ZDHHC7: variants seen among roughly 807,000 people sequenced by gnomAD.
The protein encoded by ZDHHC7 is palmitoyltransferase ZDHHC7.
ZDHHC7 carries 12 observed loss-of-function variants against 34.1 expected under a neutral mutation model. That is an observed-to-expected ratio of 0.35 (90% CI 0.23 to 0.57). ZDHHC7 has a LOEUF of 0.57. Among genes scored for constraint, ZDHHC7 ranks in the 20% least tolerant of loss-of-function variants. ZDHHC7 has a pLI of 0.84. For missense variants in ZDHHC7, 388 were observed against 402.7 expected, an observed-to-expected ratio of 0.96 and a Z score of 0.31; for synonymous variants, 185 against 155.4, an observed-to-expected ratio of 1.19 and a Z score of -1.42.
At position 84,979,269 on chromosome 16, in the gene ZDHHC7, T is replaced by C. The variant is rs780585582; in HGVS notation, c.457A>G (p.Ile153Val). The C allele has an allele frequency of 3.7e-6, 6 of 1,609,610 alleles. No individual in the cohort carries two copies. The Admixed American group carries it at 6.9e-5, about 18-fold the overall frequency. The stretch of plus-strand genomic sequence containing the variant: ...GGGCAGTGATGATCCATTTTCCGAA[T>C]ACATCTTTTGCAAATACTGAAAAGG... ...AHHCSICKRC[I>V]RKMDHHCPWV... Residue 153 changes from isoleucine (I) to valine (V), a missense_variant, in exon 5 of 8, where the codon ATT (isoleucine) becomes GTT (valine). Coordinates refer to ENST00000313732, the MANE Select transcript of ZDHHC7 (RefSeq NM_017740.3).
At position 84,977,544 on chromosome 16, in the gene ZDHHC7, C is replaced by G. The variant is rs548136751; in HGVS notation, c.620-319G>C. The stretch of plus-strand genomic sequence containing the variant: ...AGTTGTGTGCACCCATACCAGTGAG[C>G]AGTGCTCACAGGAGTCTGTTCACCA... On this transcript the variant is annotated intron_variant, in intron 6 of 7. Coordinates refer to ENST00000313732, the MANE Select transcript of ZDHHC7 (RefSeq NM_017740.3). Among the ~76,000 whole-genome samples the G allele has an allele frequency of 8.5e-5, 13 of 152,342 alleles. 1 individual carries two copies. The highest frequency in any genetic ancestry group is 8.5e-4 in the Admixed American group (13 of 15,308).
Position 84,976,194 on chromosome 16 carries a change from A to G in ZDHHC7, c.*149T>C. ...GCCTCTTCCTCTGCCATCTGTGACT[A>G]TAAATATATAAAACTCTGCTTGCTG... On this transcript the variant is annotated 3_prime_UTR_variant, in exon 8 of 8. Transcript: ENST00000313732. 2.0e-6 allele frequency: 2 copies of G among 985,660 alleles called. No homozygotes were observed. The highest frequency in any genetic ancestry group is 3.3e-5 in the African/African-American group (2 of 60,588). 61.1% of individuals were successfully genotyped at this position (985,660 alleles called of 1,614,324 possible).
At chr16:84,991,085 T>G (rs942982769) in intron 2 of ZDHHC7, among the ~76,000 whole-genome samples, 25 of 152,220 alleles carry the variant, frequency 1.6e-4, no homozygotes, top group Non-Finnish European at 3.5e-4. Flanking sequence ...AGCAGCATGA[T>G]GAAAGAATGA....
At chr16:84,993,745 C>G (rs144088163) in intron 2 of ZDHHC7, among the ~76,000 whole-genome samples, 1 of 152,272 alleles carries the variant, frequency 6.6e-6, no homozygotes, top group East Asian at 1.9e-4. Flanking sequence ...CCTTAGCCAA[C>G]CATTCCTTCA....
intron 3 of ZDHHC7, among the ~76,000 whole-genome samples, chr16:84,986,830 G>T (rs1014413796): frequency 3.9e-5 from 6 of 152,238 alleles, no homozygotes; most frequent in African/African-American, 1.4e-4. Flanking sequence ...CCCCTCAACT[G>T]TTCAGTTCAG....
chr16:84,982,096 C>T (rs1597534723), intron 3 of ZDHHC7, 102 bp from the exon 4 acceptor site: 1 of 1,493,322 alleles, frequency 6.7e-7, no homozygotes, highest in Admixed American at 1.8e-5. Context: ...CTTTGGGAGG[C>T]TGAGGCGGGT....
chr16:84,990,670 C>G, intron 2 of ZDHHC7, 35 bp from the exon 3 acceptor site: 1 of 1,555,026 alleles, frequency 6.4e-7, no homozygotes, highest in Non-Finnish European at 8.7e-7. Context: ...TGGTAAGGCT[C>G]AAAAAGCTCA....
chr16:85,019,594 G>A, the ZDHHC7 span, among the ~76,000 whole-genome samples: 1 of 152,124 alleles, frequency 6.6e-6, no homozygotes, highest in African/African-American at 2.4e-5. Flanking sequence ...GCAGGCACCT[G>A]TAATCCCAGC....
the ZDHHC7 span, among the ~76,000 whole-genome samples, chr16:85,022,864 A>C: frequency 1.3e-5 from 2 of 152,198 alleles, no homozygotes; most frequent in South Asian, 4.1e-4. Context: ...TAATAAGGGA[A>C]CAATCAGGAA....
intron 1 of ZDHHC7, among the ~76,000 whole-genome samples, chr16:84,996,859 G>A (rs953251858): frequency 3.3e-5 from 5 of 151,596 alleles, no homozygotes; most frequent in Admixed American, 6.6e-5. Flanking sequence ...AAACCCCGTC[G>A]CTACTAAAAA....
chr16:84,988,259 G>A (rs914123086), intron 3 of ZDHHC7, among the ~76,000 whole-genome samples: 18 of 152,192 alleles, frequency 1.2e-4, no homozygotes, highest in African/African-American at 3.6e-4. Flanking sequence ...GTGGGGTCGG[G>A]GAACTGGGAA....
chr16:84,988,370 G>A (rs867657827), intron 3 of ZDHHC7, among the ~76,000 whole-genome samples: 141 of 151,988 alleles, frequency 9.3e-4, no homozygotes, highest in African/African-American at 3.3e-3. Flanking sequence ...TAAACACCAC[G>A]GGACTACACA....
rs531659955 is a variant in ZDHHC7 at position 85,000,632 on chromosome 16, T to A, written c.-103-4625A>T. ...TGTTCATACACCCACTTCAGCCCCA[T>A]AAAAAACGGAATTAAGCAAACCTGT... is the stretch of plus-strand genomic sequence containing the variant. On this transcript the variant is annotated intron_variant, in intron 1 of 7. Transcript: ENST00000313732. Among the ~76,000 whole-genome samples, 3 of 152,240 alleles carry A rather than the reference T, an allele frequency of 2.0e-5. No individual in the cohort carries two copies. The East Asian group carries it at 5.8e-4, about 29-fold the overall frequency.
chr16:85,011,792 G>C (rs1366964328), upstream of ZDHHC7, among the ~76,000 whole-genome samples: 1 of 152,236 alleles, frequency 6.6e-6, no homozygotes, highest in Non-Finnish European at 1.5e-5. Context: ...AACCGGGTTG[G>C]GAATGCCCTT....
intron 3 of ZDHHC7, among the ~76,000 whole-genome samples, chr16:84,987,328 A>G (rs1356911630): frequency 2.6e-5 from 4 of 152,254 alleles, no homozygotes; most frequent in Non-Finnish European, 5.9e-5. Flanking sequence ...CATTAGGGAG[A>G]TACACAGCAA....
In ZDHHC7 at chr16:85,000,317, G is replaced by A. The variant is rs147975061; in HGVS notation, c.-103-4310C>T. Among the ~76,000 whole-genome samples the A allele has an allele frequency of 2.9e-3, 445 of 152,194 alleles. 3 individuals carry two copies. The highest frequency in any genetic ancestry group is 0.01 in the African/African-American group (427 of 41,522). On this transcript the variant is annotated intron_variant, in intron 1 of 7. Coordinates refer to ENST00000313732, the MANE Select transcript of ZDHHC7 (RefSeq NM_017740.3). ...AGTCACTTTTCTTCCTGGATAACCC[G>A]CGTTCCTGAGTCCAGACCCTGTCTT...
chr16:84,999,178 G>A (rs1345044677), intron 1 of ZDHHC7, among the ~76,000 whole-genome samples: 3 of 152,102 alleles, frequency 2.0e-5, no homozygotes, highest in African/African-American at 7.2e-5. Context: ...TCTTAAAATC[G>A]GAAACTGGTT....
At chr16:84,983,053 A>G (rs2072391191) in intron 3 of ZDHHC7, among the ~76,000 whole-genome samples, 1 of 152,206 alleles carries the variant, frequency 6.6e-6, no homozygotes, top group Non-Finnish European at 1.5e-5. Flanking sequence ...AGGGTGGAAT[A>G]AAATAGGCAG....
intron 6 of ZDHHC7, 29 bp downstream of exon 6, chr16:84,977,895 C>T: frequency 6.3e-7 from 1 of 1,579,088 alleles, no homozygotes; most frequent in South Asian, 1.1e-5. Flanking sequence ...CATGCAAAGC[C>T]AGGAATGACA....
Sources: allele counts gnomAD v4.1 joint callset (sites outside exome capture counted in the v4.1 genomes callset), GRCh38; gene constraint gnomAD v4.1.1; transcripts MANE v1.5; gene names NCBI Gene and HGNC (gene_info 2026-07-23, HGNC 2026-07-21).